The following MBOAT1 variants were observed in gnomAD, a reference collection of about 807,000 sequenced individuals.
The protein encoded by MBOAT1 is membrane bound glycerophospholipid O-acyltransferase 1, also known as membrane-bound glycerophospholipid O-acyltransferase 1.
A neutral mutation model predicts 64.4 loss-of-function variants in MBOAT1; 67 were observed. The ratio of observed to expected loss-of-function variants is 1.04; its 90% CI spans 0.85 to 1.27. MBOAT1 has a LOEUF of 1.27. MBOAT1 is among the 50% of genes most tolerant of loss of function. The pLI, the probability that MBOAT1 is intolerant of heterozygous loss-of-function variation, is 0.00. For missense variants in MBOAT1, 563 were observed against 604.6 expected, an observed-to-expected ratio of 0.93 and a Z score of 0.72; for synonymous variants, 229 against 218.9, an observed-to-expected ratio of 1.05 and a Z score of -0.41.
intron 1 of MBOAT1, among the ~76,000 whole-genome samples, chr6:20,201,748 T>C (rs940624305): frequency 6.6e-6 from 1 of 151,874 alleles, no homozygotes; most frequent in Non-Finnish European, 1.5e-5. Flanking sequence ...ACCCGGCTAA[T>C]TTTTGTATTT....
At chr6:20,204,080 T>C (rs575034734) in intron 1 of MBOAT1, among the ~76,000 whole-genome samples, 1 of 152,336 alleles carries the variant, frequency 6.6e-6, no homozygotes, top group Admixed American at 6.5e-5. Context: ...ATTTTCTTCT[T>C]TGATAATGAT....
intron 1 of MBOAT1, among the ~76,000 whole-genome samples, chr6:20,168,330 T>A (rs1762068895): frequency 6.6e-6 from 1 of 152,032 alleles, no homozygotes. Flanking sequence ...CCAGGCATAA[T>A]GGCACGTGCC....
At chr6:20,122,754 T>C (rs1239747210) in intron 8 of MBOAT1, among the ~76,000 whole-genome samples, 1 of 152,144 alleles carries the variant, frequency 6.6e-6, no homozygotes, top group East Asian at 1.9e-4. Flanking sequence ...GTATTGTGAA[T>C]GAACTTAATA....
chr6:20,209,687 C>T (rs1342773288), intron 1 of MBOAT1, among the ~76,000 whole-genome samples: 1 of 152,148 alleles, frequency 6.6e-6, no homozygotes, highest in Admixed American at 6.5e-5. Context: ...GAGCATATCC[C>T]AGGCCAATCA....
chr6:20,161,435 C>T (rs1761855540), intron 1 of MBOAT1, among the ~76,000 whole-genome samples: 1 of 151,940 alleles, frequency 6.6e-6, no homozygotes, highest in Non-Finnish European at 1.5e-5. Flanking sequence ...ATCCCCATCC[C>T]CCACCCCCAC....
intron 3 of MBOAT1, among the ~76,000 whole-genome samples, chr6:20,144,784 T>C (rs1761283201): frequency 6.6e-6 from 1 of 152,224 alleles, no homozygotes; most frequent in Admixed American, 6.5e-5. Flanking sequence ...TTGGCTTCCA[T>C]TCTCCTGTTT....
At chr6:20,148,871 G>A (rs937054491) in intron 3 of MBOAT1, among the ~76,000 whole-genome samples, 25 of 152,096 alleles carry the variant, frequency 1.6e-4, no homozygotes, top group Non-Finnish European at 1.5e-5. Flanking sequence ...GGAAGGCTGA[G>A]GCAGGCAGAT....
At position 20,118,036 on chromosome 6, in the gene MBOAT1, T is replaced by G. The variant is rs79587077; in HGVS notation, c.1011+401A>C. Among the ~76,000 whole-genome samples the G allele has an allele frequency of 4.8e-3, 734 of 152,274 alleles. 7 individuals carry two copies. Among genetic ancestry groups the G allele is most frequent in the African/African-American group, 0.016 (680 of 41,552 alleles). The stretch of plus-strand genomic sequence containing the variant: ...TATAAATGCCTCCAAAGGAACCACA[T>G]AGAACGTTTGCAATATTGAAATCAA... On this transcript the variant is annotated intron_variant, in intron 9 of 12. Transcript: ENST00000324607.
intron 7 of MBOAT1, 146 bp downstream of exon 7, chr6:20,126,371 T>A: frequency 1.4e-6 from 1 of 719,062 alleles, no homozygotes; most frequent in Non-Finnish European, 2.3e-6. Flanking sequence ...CTGCTGCAAA[T>A]AAGTAACTAT....
chr6:20,111,855 T>TAC (rs1760167813), intron 11 of MBOAT1, among the ~76,000 whole-genome samples: 3 of 129,434 alleles, frequency 2.3e-5, no homozygotes, highest in Admixed American at 7.9e-5. Context: ...TACATATATA[T>TAC]ATACATATAT....
intron 4 of MBOAT1, among the ~76,000 whole-genome samples, chr6:20,131,533 AG>A (rs1405330172): frequency 6.6e-6 from 1 of 152,128 alleles, no homozygotes; most frequent in Non-Finnish European, 1.5e-5. Flanking sequence ...CTCAGCCATG[AG>A]GAACTGTGAT....
At chr6:20,151,117 G>T in intron 3 of MBOAT1, 68 bp downstream of exon 3, 1 of 1,162,834 alleles carries the variant, frequency 8.6e-7, no homozygotes, top group Non-Finnish European at 1.3e-6. Context: ...CTTTACACTG[G>T]AAATATATTT....
rs552817827 is a variant in MBOAT1 at position 20,123,371 on chromosome 6, C to G, written c.907+1037G>C. The stretch of plus-strand genomic sequence containing the variant: ...GGTCGCTTGCAGCTAAGACACACAA[C>G]TCCCATCCCTGAAAGGGTTCCAGTG... On this transcript the variant is annotated intron_variant, in intron 8 of 12. Transcript: ENST00000324607. 2.0e-5 allele frequency among the ~76,000 whole-genome samples: 3 copies of G among 152,330 alleles called. No homozygotes were observed. In the South Asian group the frequency reaches 6.2e-4, roughly 32 times the overall value.
At chr6:20,209,306 C>A (rs1486688109) in intron 1 of MBOAT1, among the ~76,000 whole-genome samples, 1 of 152,188 alleles carries the variant, frequency 6.6e-6, no homozygotes, top group African/African-American at 2.4e-5. Context: ...TTATATTTCA[C>A]ATCTTTAGGA....
chr6:20,174,340 C>T (rs991360930), intron 1 of MBOAT1, among the ~76,000 whole-genome samples: 1 of 152,188 alleles, frequency 6.6e-6, no homozygotes, highest in Admixed American at 6.5e-5. Flanking sequence ...GATGGTGTAA[C>T]CTACTGCATA....
intron 8 of MBOAT1, among the ~76,000 whole-genome samples, chr6:20,120,439 C>A (rs558416664): frequency 6.6e-6 from 1 of 152,072 alleles, no homozygotes; most frequent in East Asian, 1.9e-4. Context: ...GATGACGAAA[C>A]GTGCGGATCA....
rs371979791 is a variant in MBOAT1 at position 20,164,067 on chromosome 6, G to C, written c.100-11298C>G. Among the ~76,000 whole-genome samples the C allele has an allele frequency of 2.0e-5, 3 of 151,696 alleles. No homozygotes were observed. The East Asian group carries it at 5.8e-4, about 29-fold the overall frequency. On this transcript the variant is annotated intron_variant, in intron 1 of 12. Coordinates refer to ENST00000324607, the MANE Select transcript of MBOAT1 (RefSeq NM_001080480.3). Reference sequence around the variant, plus strand: ...TGCATAATATATATTTTTAATATGTGTATATATTATGTACATAATATATAC... The same window carrying C: ...TGCATAATATATATTTTTAATATGTCTATATATTATGTACATAATATATAC...
intron 8 of MBOAT1, among the ~76,000 whole-genome samples, chr6:20,123,011 G>A (rs1760539172): frequency 6.6e-6 from 1 of 151,884 alleles, no homozygotes; most frequent in African/African-American, 2.4e-5. Flanking sequence ...TGTATTTTTA[G>A]TAGAGACGGG....
In MBOAT1 at chr6:20,212,258, C is replaced by T. The variant is rs1459655217; in HGVS notation, c.-24G>A. 1.2e-6 allele frequency: 2 copies of T among 1,600,640 alleles called. No individual in the cohort carries two copies. Among genetic ancestry groups the T allele is most frequent in the African/African-American group, 2.7e-5 (2 of 74,750 alleles). ...ATCCTGCATCTTCGGGAGGTGGCTGCCCCTGTCCCAGCCCGCAACACCCCC... is the reference window on the plus strand; with the variant it reads ...ATCCTGCATCTTCGGGAGGTGGCTGTCCCTGTCCCAGCCCGCAACACCCCC... On this transcript the variant is annotated 5_prime_UTR_variant, in exon 1 of 13. Coordinates refer to ENST00000324607, the MANE Select transcript of MBOAT1 (RefSeq NM_001080480.3).
Sources: allele counts gnomAD v4.1 joint callset (sites outside exome capture counted in the v4.1 genomes callset), GRCh38; gene constraint gnomAD v4.1.1; transcripts MANE v1.5; gene names NCBI Gene and HGNC (gene_info 2026-07-23, HGNC 2026-07-21).